Variants in SNX24 observed in about 807,000 individuals in gnomAD.
SNX24 encodes the protein sorting nexin 24.
Under a neutral mutation model 28.7 loss-of-function variants are expected in SNX24, and 22 were observed. The ratio of observed to expected loss-of-function variants is 0.77; its 90% CI spans 0.55 to 1.10. The LOEUF is 1.10. Among genes scored for constraint, SNX24 ranks in the 50% least tolerant of loss-of-function variants. SNX24 has a pLI of 0.00. For synonymous variants in SNX24, 69 were observed against 71.5 expected, an observed-to-expected ratio of 0.96 and a Z score of 0.18; for missense variants, 221 against 201.1, an observed-to-expected ratio of 1.10 and a Z score of -0.60.
intron 1 of SNX24, among the ~76,000 whole-genome samples, chr5:122,901,256 C>A (rs1757437694): frequency 6.6e-6 from 1 of 151,070 alleles, no homozygotes. Flanking sequence ...AACTATTGCA[C>A]TGTACCTAAG....
chr5:122,939,955 A>C (rs1759367030), intron 2 of SNX24, among the ~76,000 whole-genome samples: 1 of 151,684 alleles, frequency 6.6e-6, no homozygotes, highest in African/African-American at 2.4e-5. Context: ...TATCTTCCAA[A>C]TTCTTATAAT....
chr5:122,933,056 A>C (rs1013702936), intron 1 of SNX24, among the ~76,000 whole-genome samples: 3 of 152,118 alleles, frequency 2.0e-5, no homozygotes, highest in Non-Finnish European at 4.4e-5. Context: ...ATATTTTTAT[A>C]GTCCTAAAAA....
chr5:123,000,274 G>C (rs749829924), intron 4 of SNX24, among the ~76,000 whole-genome samples: 1 of 152,206 alleles, frequency 6.6e-6, no homozygotes, highest in Non-Finnish European at 1.5e-5. Flanking sequence ...TACATAGAAT[G>C]ATGTTACTTG....
intron 1 of SNX24, among the ~76,000 whole-genome samples, chr5:122,882,559 T>C (rs946055346): frequency 6.6e-6 from 1 of 152,204 alleles, no homozygotes; most frequent in African/African-American, 2.4e-5. Context: ...TTGTTCTGTG[T>C]TCTGGACCCA....
Position 123,003,007 on chromosome 5 carries a change from CCTTCTGTG to C in SNX24, c.442+1006_442+1013del, listed in dbSNP as rs898183270. 6.6e-5 allele frequency among the ~76,000 whole-genome samples: 10 copies of C among 152,314 alleles called. No homozygotes were observed. The East Asian group carries it at 1.9e-3, about 29-fold the overall frequency. On this transcript the variant is annotated intron_variant, in intron 6 of 6. Transcript: ENST00000261369. ...GTGGACCTCTTGTTGCCTATGTATT[CCTTCTGTG>C]CTCTTTGCATATAGTGAATCTTGTT...
chr5:123,001,451 C>T lies in SNX24; in HGVS notation c.377+14C>T. On this transcript the variant is annotated intron_variant, in intron 5 of 6. Transcript: ENST00000261369. Reference sequence around the variant, plus strand: ...TGAAGAGTCAAGGTAAGGACTAATCCTCATCAGCCAGGAATAGGATTATGG... The same window carrying T: ...TGAAGAGTCAAGGTAAGGACTAATCTTCATCAGCCAGGAATAGGATTATGG... 6.4e-7 allele frequency: 1 copy of T among 1,573,078 alleles called. No homozygotes were observed.
intron 1 of SNX24, among the ~76,000 whole-genome samples, chr5:122,865,595 T>C (rs1447559428): frequency 6.6e-6 from 1 of 152,194 alleles, no homozygotes. Context: ...CGCCTTGGCC[T>C]CCCAAAGTAC....
intron 3 of SNX24, among the ~76,000 whole-genome samples, chr5:122,996,366 C>T (rs1762053609): frequency 6.6e-6 from 1 of 152,200 alleles, no homozygotes; most frequent in Non-Finnish European, 1.5e-5. Context: ...AAGCTAAAAG[C>T]AGGTGTTCTT....
At position 122,911,902 on chromosome 5, in the gene SNX24, G is replaced by A. The variant is rs1245955378; in HGVS notation, c.61-24832G>A. 4.9e-3 allele frequency among the ~76,000 whole-genome samples: 602 copies of A among 121,958 alleles called. 1 individual carries two copies. Among genetic ancestry groups the A allele is most frequent in the South Asian group, 0.011 (37 of 3,332 alleles). 80.0% of individuals were successfully genotyped at this position (121,958 alleles called of 152,430 possible). A position where few individuals can be genotyped will look rare whatever the true frequency, so the allele number is the denominator to read the frequency against. ...GTAGTATAGTTTGAAGTCAGGTAGC[G>A]TGATGCTTCCAGCTTTGTTCTTTTG... On this transcript the variant is annotated intron_variant, in intron 1 of 6. Coordinates refer to ENST00000261369, the MANE Select transcript of SNX24 (RefSeq NM_014035.4).
At chr5:123,001,502 G>T (rs1238233935) in intron 5 of SNX24, 65 bp downstream of exon 5, 5 of 1,132,410 alleles carry the variant, frequency 4.4e-6, no homozygotes, top group Non-Finnish European at 6.5e-6. Flanking sequence ...AATCACCTAC[G>T]ATGTGTTTCA....
chr5:122,856,367 C>G (rs1044891248), intron 1 of SNX24, among the ~76,000 whole-genome samples: 6 of 152,092 alleles, frequency 3.9e-5, no homozygotes, highest in Non-Finnish European at 8.8e-5. Flanking sequence ...TTTATCCAGT[C>G]TACTGTTGAT....
At chr5:123,029,154 C>T (rs1203849171) in intron 5 of SNX24, 3 of 1,446,290 alleles carry the variant, frequency 2.1e-6, no homozygotes, top group Non-Finnish European at 2.8e-6. Context: ...CACTGAGTGC[C>T]CAAATAATAC....
chr5:122,939,789 T>A (rs1463158040), intron 2 of SNX24, among the ~76,000 whole-genome samples: 1 of 152,156 alleles, frequency 6.6e-6, no homozygotes, highest in Non-Finnish European at 1.5e-5. Context: ...GATTAATGCC[T>A]GTTGAAGTTT....
At chr5:122,937,203 A>G (rs531466517) in intron 2 of SNX24, among the ~76,000 whole-genome samples, 28 of 152,368 alleles carry the variant, frequency 1.8e-4, no homozygotes, top group South Asian at 6.2e-4. Flanking sequence ...ATTAAAGTCA[A>G]CTTATACTTA....
At chr5:122,867,239 C>A (rs1047143947) in intron 1 of SNX24, among the ~76,000 whole-genome samples, 1 of 152,194 alleles carries the variant, frequency 6.6e-6, no homozygotes, top group African/African-American at 2.4e-5. Flanking sequence ...ATTCCATGAG[C>A]ATGGGACCAT....
intron 3 of SNX24, among the ~76,000 whole-genome samples, chr5:122,971,517 AAAGAC>A (rs1641963626): frequency 6.6e-6 from 1 of 152,194 alleles, no homozygotes. Context: ...ATCTTCAAAT[AAAGAC>A]AATAATGAGG....
At chr5:122,975,148 AC>A (rs563810341) in intron 3 of SNX24, among the ~76,000 whole-genome samples, 68 of 152,240 alleles carry the variant, frequency 4.5e-4, no homozygotes, top group African/African-American at 1.6e-3. Context: ...TTACCCCATC[AC>A]ATTTTTCCTT....
intron 1 of SNX24, among the ~76,000 whole-genome samples, chr5:122,874,413 G>A (rs1756132603): frequency 6.6e-6 from 1 of 152,210 alleles, no homozygotes; most frequent in Non-Finnish European, 1.5e-5. Context: ...AGAAAGCTGT[G>A]TGAAAGATAG....
chr5:122,986,894 A>T (rs1761627782), intron 3 of SNX24, among the ~76,000 whole-genome samples: 1 of 151,986 alleles, frequency 6.6e-6, no homozygotes, highest in Non-Finnish European at 1.5e-5. Context: ...GATGGATGGG[A>T]CTAGTGAATA....
Sources: allele counts gnomAD v4.1 joint callset (sites outside exome capture counted in the v4.1 genomes callset), GRCh38; gene constraint gnomAD v4.1.1; transcripts MANE v1.5; gene names NCBI Gene and HGNC (gene_info 2026-07-23, HGNC 2026-07-21).